The following FSTL4 variants were observed in gnomAD, a reference collection of about 807,000 sequenced individuals.
FSTL4 encodes follistatin-related protein 4.
In FSTL4, 28 loss-of-function variants were observed where a neutral mutation model predicts 78.2. The ratio of observed to expected loss-of-function variants is 0.36; its 90% CI spans 0.27 to 0.49. FSTL4 has a LOEUF of 0.49. Among genes scored for constraint, FSTL4 ranks in the 20% least tolerant of loss-of-function variants. The probability of loss-of-function intolerance (pLI) is 0.98; values close to 1 mark genes in which losing one functional copy is unlikely to be tolerated. For synonymous variants in FSTL4, 422 were observed against 440.5 expected, an observed-to-expected ratio of 0.96 and a Z score of 0.53; for missense variants, 922 against 1,084.9, an observed-to-expected ratio of 0.85 and a Z score of 2.11.
chr5:133,745,478 G>A, the FSTL4 span, among the ~76,000 whole-genome samples: 1 of 152,228 alleles, frequency 6.6e-6, no homozygotes, highest in Non-Finnish European at 1.5e-5. Context: ...CACACATAGT[G>A]TATATATAGA....
chr5:133,784,823 T>G, the FSTL4 span, among the ~76,000 whole-genome samples: 2 of 152,220 alleles, frequency 1.3e-5, no homozygotes, highest in Non-Finnish European at 2.9e-5. Flanking sequence ...TGGTCCTGTG[T>G]GTTTCTATGA....
chr5:133,416,844 T>C (rs2126983977), intron 3 of FSTL4, among the ~76,000 whole-genome samples: 1 of 152,248 alleles, frequency 6.6e-6, no homozygotes, highest in East Asian at 1.9e-4. Flanking sequence ...TGAGGACAGA[T>C]GACAGCTAAG....
chr5:133,718,160 T>C, the FSTL4 span, among the ~76,000 whole-genome samples: 1 of 152,050 alleles, frequency 6.6e-6, no homozygotes. Flanking sequence ...TGGCACAATC[T>C]TGGCTCACTA....
At chr5:133,458,205 C>G (rs1237857426) in intron 3 of FSTL4, 4 of 152,206 alleles carry the variant, frequency 2.6e-5, no homozygotes, top group African/African-American at 9.6e-5. Context: ...AAAGGCTAAT[C>G]TGATGTCCTC....
At chr5:133,469,922 T>C (rs990101095) in intron 3 of FSTL4, among the ~76,000 whole-genome samples, 5 of 151,828 alleles carry the variant, frequency 3.3e-5, no homozygotes, top group African/African-American at 1.2e-4. Context: ...AAGCGCTATA[T>C]GTGGAAAACT....
chr5:133,546,077 T>A (rs1249167978), intron 3 of FSTL4, among the ~76,000 whole-genome samples: 1 of 152,236 alleles, frequency 6.6e-6, no homozygotes, highest in Non-Finnish European at 1.5e-5. Flanking sequence ...AGCAAAGTAT[T>A]CAGGCTATTA....
the FSTL4 span, among the ~76,000 whole-genome samples, chr5:133,652,477 T>G: frequency 6.6e-6 from 1 of 152,248 alleles, no homozygotes; most frequent in Non-Finnish European, 1.5e-5. Context: ...CAAAATATTT[T>G]AAATTTTCTT....
chr5:133,380,886 T>C (rs1755551992), intron 4 of FSTL4, among the ~76,000 whole-genome samples: 1 of 151,842 alleles, frequency 6.6e-6, no homozygotes, highest in South Asian at 2.1e-4. Context: ...GGATTATACA[T>C]CATTACCAAG....
At chr5:133,468,343 T>A (rs901233922) in intron 3 of FSTL4, among the ~76,000 whole-genome samples, 10 of 152,210 alleles carry the variant, frequency 6.6e-5, no homozygotes, top group Non-Finnish European at 2.9e-5. Context: ...AGACCCTGGG[T>A]GCCACAGTCC....
At chr5:133,625,182 A>T in the FSTL4 span, among the ~76,000 whole-genome samples, 15 of 151,574 alleles carry the variant, frequency 9.9e-5, no homozygotes, top group African/African-American at 3.6e-4. Context: ...TCTGGAAAAG[A>T]TAAGTGTAGA....
At chr5:133,332,992 CCT>C (rs1035793930) in intron 4 of FSTL4, among the ~76,000 whole-genome samples, 3 of 151,226 alleles carry the variant, frequency 2.0e-5, no homozygotes, top group Non-Finnish European at 4.4e-5. Flanking sequence ...GTGCAGGTGT[CCT>C]CTCTCTCTCT....
At chr5:133,331,194 C>T (rs986306954) in intron 4 of FSTL4, among the ~76,000 whole-genome samples, 2 of 152,172 alleles carry the variant, frequency 1.3e-5, no homozygotes, top group African/African-American at 4.8e-5. Context: ...TGTCTCTGTT[C>T]TCCCAAGACA....
intron 2 of FSTL4, among the ~76,000 whole-genome samples, chr5:133,601,854 T>C (rs913318148): frequency 1.3e-5 from 2 of 151,814 alleles, no homozygotes; most frequent in African/African-American, 4.8e-5. Context: ...CAGCTCACTT[T>C]TGTATTTTTA....
the FSTL4 span, among the ~76,000 whole-genome samples, chr5:133,639,955 T>C: frequency 0.011 from 1,605 of 152,258 alleles, 30 homozygotes; most frequent in African/African-American, 0.037. Flanking sequence ...ACTGACTTCT[T>C]AGAAAGAAAA....
chr5:133,644,245 A>G, the FSTL4 span, among the ~76,000 whole-genome samples: 21 of 152,254 alleles, frequency 1.4e-4, no homozygotes, highest in South Asian at 3.9e-3. Context: ...GCTAAAAAAG[A>G]CCATTCCATT....
the FSTL4 span, among the ~76,000 whole-genome samples, chr5:133,635,089 A>C: frequency 6.6e-6 from 1 of 151,188 alleles, no homozygotes; most frequent in Non-Finnish European, 1.5e-5. Context: ...AAAAAAAAAC[A>C]TAGACACTAT....
chr5:133,707,012 A>G, the FSTL4 span, among the ~76,000 whole-genome samples: 10 of 152,308 alleles, frequency 6.6e-5, no homozygotes, highest in South Asian at 2.1e-3. Context: ...CATAAGCACA[A>G]CGTTATTCCT....
chr5:133,418,803 T>G (rs1756633739), intron 3 of FSTL4, among the ~76,000 whole-genome samples: 1 of 152,310 alleles, frequency 6.6e-6, no homozygotes, highest in East Asian at 1.9e-4. Flanking sequence ...ATTTGAAAGG[T>G]TTCGACATAT....
intron 13 of FSTL4, among the ~76,000 whole-genome samples, chr5:133,213,258 C>A (rs113953560): frequency 0.014 from 2,154 of 152,248 alleles, 51 homozygotes; most frequent in African/African-American, 0.049. Context: ...CTGCCCTGGC[C>A]TCCCAGAGTG....
Sources: gnomAD v4.1 joint callset for allele counts (sites outside exome capture counted in the v4.1 genomes callset) on GRCh38, gnomAD v4.1.1 for gene constraint, MANE v1.5 for transcripts, NCBI Gene and HGNC (gene_info 2026-07-23, HGNC 2026-07-21) for gene names.